SLC16A7: variants seen among roughly 807,000 people sequenced by gnomAD.
SLC16A7 encodes monocarboxylate transporter 2.
In SLC16A7, 33 loss-of-function variants were observed where a neutral mutation model predicts 34.9. That is an observed-to-expected ratio of 0.94 (90% CI 0.72 to 1.26). SLC16A7 has a LOEUF of 1.26. Among genes scored for constraint, SLC16A7 ranks in the 50% most tolerant of loss-of-function variants. The pLI is 0.00. For missense variants in SLC16A7, 573 were observed against 578.1 expected (o/e 0.99, Z 0.09); for synonymous variants, 201 against 206.6 (o/e 0.97, Z 0.23).
rs3763979 is a variant in SLC16A7 at position 59,779,625 on chromosome 12, C to T, written c.1383C>T (p.Asn461=). The stretch of plus-strand genomic sequence containing the variant: ...AATCTAAACATTCGGAAGATGTTAA[C>T]GTCAAAGTTTCAAATGCACAGAGTG... ...LSKSKHSEDV[N]VKVSNAQSVT... Residue 461 remains asparagine, a synonymous_variant, in exon 6 of 6, where the codon AAC becomes AAT. Coordinates refer to ENST00000547379, the MANE Select transcript of SLC16A7 (RefSeq NM_001270623.2). 0.083 allele frequency: 133,205 copies of T among 1,610,072 alleles called. 6,427 individuals carry two copies. The highest frequency in any genetic ancestry group is 0.17 in the South Asian group (15,547 of 90,944).
intron 1 of SLC16A7, among the ~76,000 whole-genome samples, chr12:59,627,716 A>T (rs951878799): frequency 1.3e-5 from 2 of 151,402 alleles, no homozygotes; most frequent in Non-Finnish European, 3.0e-5. Flanking sequence ...CAACACTATT[A>T]TTGAAACCCC....
At chr12:59,679,175 TC>T in intron 2 of SLC16A7, among the ~76,000 whole-genome samples, 1 of 152,100 alleles carries the variant, frequency 6.6e-6, no homozygotes, top group Non-Finnish European at 1.5e-5. Context: ...AAGGCAGGGC[TC>T]CTGCCTGCCT....
chr12:59,691,867 C>T (rs1054095261), intron 2 of SLC16A7, among the ~76,000 whole-genome samples: 2 of 151,882 alleles, frequency 1.3e-5, no homozygotes, highest in African/African-American at 4.8e-5. Flanking sequence ...TCTTTGCATA[C>T]CTGTGCAATT....
At chr12:59,762,119 G>A (rs1881077767) in intron 3 of SLC16A7, among the ~76,000 whole-genome samples, 1 of 151,990 alleles carries the variant, frequency 6.6e-6, no homozygotes, top group Non-Finnish European at 1.5e-5. Flanking sequence ...AAATGGAGAG[G>A]GTCTTTGTCA....
intron 3 of SLC16A7, among the ~76,000 whole-genome samples, chr12:59,754,081 A>G (rs1489868655): frequency 1.3e-5 from 2 of 152,340 alleles, no homozygotes; most frequent in East Asian, 3.9e-4. Flanking sequence ...GCAACATACC[A>G]GAATCTCTGG....
chr12:59,733,298 T>A (rs1041407775), intron 3 of SLC16A7, among the ~76,000 whole-genome samples: 3 of 152,064 alleles, frequency 2.0e-5, no homozygotes, highest in Admixed American at 2.0e-4. Flanking sequence ...GTGAGCAAGG[T>A]GCAAAGCGGC....
intron 2 of SLC16A7, among the ~76,000 whole-genome samples, chr12:59,702,134 T>G (rs1872959531): frequency 6.6e-6 from 1 of 151,910 alleles, no homozygotes; most frequent in African/African-American, 2.4e-5. Context: ...AGTAATAAAA[T>G]TTAGTAATAT....
intron 2 of SLC16A7, among the ~76,000 whole-genome samples, chr12:59,695,689 AG>A (rs1056699100): frequency 6.6e-6 from 1 of 152,072 alleles, no homozygotes; most frequent in Non-Finnish European, 1.5e-5. Context: ...CCTGGATATA[AG>A]GCAGACACTG....
chr12:59,763,570 T>A (rs762715070), intron 3 of SLC16A7, among the ~76,000 whole-genome samples: 20 of 152,166 alleles, frequency 1.3e-4, no homozygotes, highest in Non-Finnish European at 2.8e-4. Flanking sequence ...ATAACTATAC[T>A]GCCTTTTTAT....
At chr12:59,633,446 G>A (rs1253035823) in intron 1 of SLC16A7, among the ~76,000 whole-genome samples, 4 of 151,988 alleles carry the variant, frequency 2.6e-5, no homozygotes, top group Non-Finnish European at 5.9e-5. Flanking sequence ...TTTAGCAGTA[G>A]AGTTCAATCC....
chr12:59,693,043 T>A (rs1871862228), intron 2 of SLC16A7, among the ~76,000 whole-genome samples: 1 of 151,974 alleles, frequency 6.6e-6, no homozygotes, highest in Non-Finnish European at 1.5e-5. Flanking sequence ...AACCAGACAA[T>A]TATTCTTTGA....
intron 1 of SLC16A7, among the ~76,000 whole-genome samples, chr12:59,606,838 GTGTATGTGTGAA>G (rs748987766): frequency 6.6e-5 from 10 of 151,422 alleles, no homozygotes; most frequent in Non-Finnish European, 1.2e-4. Flanking sequence ...GTGTACGTGT[GTGTATGTGTGAA>G]TATATATATA....
At chr12:59,712,342 T>G (rs1472919950) in intron 3 of SLC16A7, among the ~76,000 whole-genome samples, 1 of 152,162 alleles carries the variant, frequency 6.6e-6, no homozygotes, top group Admixed American at 6.5e-5. Context: ...CTAAAAGAAA[T>G]CTATGCCCTT....
In SLC16A7 at chr12:59,655,194, C is replaced by G. The variant is rs1868473561; in HGVS notation, c.-87C>G. On this transcript the variant is annotated 5_prime_UTR_variant, in exon 2 of 6. Coordinates refer to ENST00000547379, the MANE Select transcript of SLC16A7 (RefSeq NM_001270623.2). ...TGATACTTTCCTGTGAAACCTGAAA[C>G]AAGGTGATCTGGGGAACCAAAGACT... 6.6e-6 allele frequency: 1 copy of G among 151,864 alleles called. No homozygotes were observed. 9.4% of individuals were successfully genotyped at this position (151,864 alleles called of 1,614,324 possible). A position where few individuals can be genotyped will look rare whatever the true frequency, so the allele number is the denominator to read the frequency against.
intron 3 of SLC16A7, among the ~76,000 whole-genome samples, chr12:59,743,433 C>G (rs2137292988): frequency 6.6e-6 from 1 of 152,266 alleles, no homozygotes; most frequent in South Asian, 2.1e-4. Flanking sequence ...ACATGACATG[C>G]TTTGCATTTT....
Position 59,612,652 on chromosome 12 carries a change from C to T in SLC16A7, c.-130+16416C>T, listed in dbSNP as rs150402456. Among the ~76,000 whole-genome samples the T allele has an allele frequency of 1.4e-3, 216 of 152,252 alleles. 2 individuals carry two copies. The East Asian group carries it at 0.035, about 25-fold the overall frequency. On this transcript the variant is annotated intron_variant, in intron 1 of 5. Transcript: ENST00000547379. ...ATATTTTCCAAACTTTTATGCTGTG[C>T]TTCCTCTTGAATGCTTTGCTGCTTA...
chr12:59,650,896 G>A (rs1416991898), intron 1 of SLC16A7, among the ~76,000 whole-genome samples: 1 of 152,142 alleles, frequency 6.6e-6, no homozygotes, highest in African/African-American at 2.4e-5. Flanking sequence ...AAATAAAATT[G>A]CTAAAAGCTC....
chr12:59,677,718 A>T (rs777297744), intron 2 of SLC16A7, among the ~76,000 whole-genome samples: 1 of 152,204 alleles, frequency 6.6e-6, no homozygotes, highest in Non-Finnish European at 1.5e-5. Context: ...TCTTAAATGC[A>T]AACTAGCCAA....
intron 4 of SLC16A7, among the ~76,000 whole-genome samples, 166 bp from the exon 5 acceptor site, chr12:59,774,491 C>T (rs1882535583): frequency 6.6e-6 from 1 of 151,966 alleles, no homozygotes; most frequent in African/African-American, 2.4e-5. Context: ...GTTATGAAAA[C>T]CTTATTGTTT....
Sources: gnomAD v4.1 joint callset for allele counts (sites outside exome capture counted in the v4.1 genomes callset) on GRCh38, gnomAD v4.1.1 for gene constraint, MANE v1.5 for transcripts, NCBI Gene and HGNC (gene_info 2026-07-23, HGNC 2026-07-21) for gene names.